Variants in NDUFAF2 observed in about 807,000 individuals in gnomAD.
NDUFAF2 encodes NADH dehydrogenase [ubiquinone] 1 alpha subcomplex assembly factor 2.
A neutral mutation model predicts 22.8 loss-of-function variants in NDUFAF2; 13 were observed. The ratio of observed to expected loss-of-function variants is 0.57; its 90% confidence interval spans 0.37 to 0.91. NDUFAF2 has a LOEUF of 0.91. Among genes scored for constraint, NDUFAF2 ranks in the 40% least tolerant of loss-of-function variants. The pLI is 0.01. For missense variants in NDUFAF2, 162 were observed against 195.2 expected, an observed-to-expected ratio of 0.83 and a Z score of 1.01; for synonymous variants, 53 against 64.2, an observed-to-expected ratio of 0.83 and a Z score of 0.84.
At chr5:61,024,691 G>A (rs2112606004) in intron 1 of NDUFAF2, among the ~76,000 whole-genome samples, 1 of 152,038 alleles carries the variant, frequency 6.6e-6, no homozygotes, top group Non-Finnish European at 1.5e-5. Context: ...TCATTATACT[G>A]TAGCTTTTAT....
intron 1 of NDUFAF2, among the ~76,000 whole-genome samples, chr5:61,048,652 C>G (rs1489976992): frequency 1.3e-5 from 2 of 152,070 alleles, no homozygotes; most frequent in African/African-American, 4.8e-5. Flanking sequence ...ACCTTGTTTC[C>G]CAGTCTCAGC....
chr5:61,150,793 A>G (rs1741224257), intron 3 of NDUFAF2, among the ~76,000 whole-genome samples: 1 of 152,196 alleles, frequency 6.6e-6, no homozygotes, highest in African/African-American at 2.4e-5. Flanking sequence ...ACGAACTTCC[A>G]TTAAGACACA....
At chr5:61,050,412 T>C (rs1032447166) in intron 1 of NDUFAF2, 2 of 152,170 alleles carry the variant, frequency 1.3e-5, no homozygotes, top group African/African-American at 4.8e-5. Flanking sequence ...AATACTGTGC[T>C]GACTGACCCT....
At chr5:61,015,468 G>T (rs2112600109) in intron 1 of NDUFAF2, among the ~76,000 whole-genome samples, 1 of 152,212 alleles carries the variant, frequency 6.6e-6, no homozygotes, top group Admixed American at 6.5e-5. Flanking sequence ...TTTTAGTAGA[G>T]ATGGAGTTTC....
At chr5:60,987,956 A>T (rs1751104724) in intron 1 of NDUFAF2, among the ~76,000 whole-genome samples, 1 of 152,134 alleles carries the variant, frequency 6.6e-6, no homozygotes, top group Admixed American at 6.5e-5. Flanking sequence ...AATAAAAGGC[A>T]CCCAAATAGG....
chr5:61,122,995 A>G (rs1057415379), intron 3 of NDUFAF2, among the ~76,000 whole-genome samples: 7 of 152,300 alleles, frequency 4.6e-5, no homozygotes, highest in African/African-American at 1.7e-4. Flanking sequence ...ATAGAAGCTA[A>G]TGGATAAAAG....
intron 1 of NDUFAF2, among the ~76,000 whole-genome samples, chr5:61,029,347 C>G (rs1052845389): frequency 6.6e-6 from 1 of 152,120 alleles, no homozygotes; most frequent in Non-Finnish European, 1.5e-5. Flanking sequence ...TGTTGAATTA[C>G]TCGTGCAATT....
chr5:61,017,800 A>T (rs1159498447), intron 1 of NDUFAF2, among the ~76,000 whole-genome samples: 2 of 151,858 alleles, frequency 1.3e-5, no homozygotes, highest in African/African-American at 4.8e-5. Flanking sequence ...CCCAGGCTGG[A>T]ATACAGTGGC....
intron 3 of NDUFAF2, among the ~76,000 whole-genome samples, chr5:61,111,586 G>A (rs529924238): frequency 1.4e-4 from 21 of 151,894 alleles, no homozygotes; most frequent in Middle Eastern, 6.8e-3. Flanking sequence ...ACAGGTGCTC[G>A]CCACTACACA....
chr5:61,048,001 GA>G lies in NDUFAF2; in HGVS notation c.128-25117del, dbSNP rs1183328804. Among the ~76,000 whole-genome samples, 8 of 152,092 alleles carry G rather than the reference GA, an allele frequency of 5.3e-5. No homozygotes were observed. In the East Asian group the frequency reaches 1.3e-3, roughly 26 times the overall value. Reference sequence around the variant, plus strand: ...CAAAGCAATTTAATAAACATGAAGTGAAAAAAATCAAGATAGACTTGTTTCT... The same window carrying G: ...CAAAGCAATTTAATAAACATGAAGTGAAAAAATCAAGATAGACTTGTTTCT... On this transcript the variant is annotated intron_variant, in intron 1 of 3. Coordinates refer to ENST00000296597, the MANE Select transcript of NDUFAF2 (RefSeq NM_174889.5).
At chr5:60,999,391 G>A (rs1032470339) in intron 1 of NDUFAF2, among the ~76,000 whole-genome samples, 1 of 152,038 alleles carries the variant, frequency 6.6e-6, no homozygotes, top group Non-Finnish European at 1.5e-5. Context: ...GCCATAAAAA[G>A]GATGAAGTAC....
intron 1 of NDUFAF2, among the ~76,000 whole-genome samples, chr5:61,069,933 A>G (rs1013526381): frequency 3.9e-5 from 6 of 152,104 alleles, no homozygotes; most frequent in Non-Finnish European, 8.8e-5. Flanking sequence ...TGTTATATCT[A>G]CAGTCTTTAA....
intron 3 of NDUFAF2, among the ~76,000 whole-genome samples, chr5:61,100,471 T>C (rs1025334316): frequency 1.8e-4 from 27 of 152,144 alleles, no homozygotes; most frequent in Admixed American, 1.7e-3. Flanking sequence ...AGCCCTCTTT[T>C]GTTGCCTCCC....
chr5:60,978,882 C>T (rs557009226), intron 1 of NDUFAF2, among the ~76,000 whole-genome samples: 21 of 152,192 alleles, frequency 1.4e-4, no homozygotes, highest in South Asian at 1.0e-3. Context: ...GAGTGCAGCT[C>T]GCAATTCTAA....
chr5:60,983,473 C>T (rs1278787433), intron 1 of NDUFAF2, among the ~76,000 whole-genome samples: 16 of 144,430 alleles, frequency 1.1e-4, no homozygotes, highest in African/African-American at 3.4e-4. Flanking sequence ...GAAGTCCTTG[C>T]CCATGCCTAT....
intron 3 of NDUFAF2, among the ~76,000 whole-genome samples, chr5:61,118,362 C>T (rs1444638538): frequency 2.0e-5 from 3 of 152,114 alleles, no homozygotes; most frequent in African/African-American, 4.8e-5. Flanking sequence ...GGCCAGGCTC[C>T]GTGCCTTATA....
chr5:61,021,873 A>G (rs1751587966), intron 1 of NDUFAF2, among the ~76,000 whole-genome samples: 1 of 152,200 alleles, frequency 6.6e-6, no homozygotes, highest in Non-Finnish European at 1.5e-5. Flanking sequence ...ATTGTAAGGA[A>G]TTGTGATTGT....
chr5:61,064,699 A>G (rs1487489691), intron 1 of NDUFAF2, among the ~76,000 whole-genome samples: 3 of 152,158 alleles, frequency 2.0e-5, no homozygotes, highest in African/African-American at 7.2e-5. Context: ...CAGTGGAAGC[A>G]CAGCATACCA....
intron 3 of NDUFAF2, among the ~76,000 whole-genome samples, chr5:61,147,535 A>G (rs968371925): frequency 2.8e-5 from 4 of 141,926 alleles, no homozygotes; most frequent in Non-Finnish European, 4.5e-5. Context: ...CAGCCTCCCA[A>G]CGTGCTAGGA....
Sources: allele counts gnomAD v4.1 joint callset (sites outside exome capture counted in the v4.1 genomes callset), GRCh38; gene constraint gnomAD v4.1.1; transcripts MANE v1.5; gene names NCBI Gene and HGNC (gene_info 2026-07-23, HGNC 2026-07-21).